PTPDC1: variants seen among roughly 807,000 people sequenced by gnomAD.
PTPDC1 encodes protein tyrosine phosphatase domain containing 1.
In PTPDC1, 53 loss-of-function variants were observed where a neutral mutation model predicts 75.3. The observed-to-expected ratio is 0.70, with a 90% CI of 0.56 to 0.88. The LOEUF is 0.88. PTPDC1 is among the 40% of genes least tolerant of loss of function. The probability of loss-of-function intolerance (pLI) is 0.00; values close to 1 mark genes in which losing one functional copy is unlikely to be tolerated. For missense variants in PTPDC1, 925 were observed against 998.6 expected (o/e 0.93, Z 0.99); for synonymous variants, 349 against 366.2 (o/e 0.95, Z 0.54).
Position 94,099,854 on chromosome 9 carries a change from C to G in PTPDC1, c.2013+1275C>G, listed in dbSNP as rs950287257. ...GTTCAGGACTTGGTTTGGGCCAGAC[C>G]GTATGTAGTGTATATGAAAGCATTT... On this transcript the variant is annotated intron_variant, in intron 6 of 8. Transcript: ENST00000620992. 6.6e-5 allele frequency among the ~76,000 whole-genome samples: 10 copies of G among 152,298 alleles called. No homozygotes were observed. In the East Asian group the frequency reaches 1.9e-3, roughly 29 times the overall value.
In PTPDC1 at chr9:94,061,460, AG is replaced by A. The variant is rs532190706; in HGVS notation, c.-6-3269del. Reference sequence around the variant, plus strand: ...CAGTGCCCCAGTGGGGACTCTGTGTAGGGGGTCCAACCCCACATTTCCCCTC... The same window carrying A: ...CAGTGCCCCAGTGGGGACTCTGTGTAGGGGTCCAACCCCACATTTCCCCTC... On this transcript the variant is annotated intron_variant, in intron 1 of 9. Coordinates refer to the PTPDC1 transcript ENST00000375360. Among the ~76,000 whole-genome samples, 15 of 152,344 alleles carry A rather than the reference AG, an allele frequency of 9.8e-5. No homozygotes were observed. The East Asian group carries it at 2.9e-3, about 29-fold the overall frequency.
Position 94,088,180 on chromosome 9 carries a change from C to A in PTPDC1, c.533C>A (p.Pro178His), listed in dbSNP as rs745577841. The change falls in exon 4 of 9, where the codon CCT becomes CAT. Residue 178 changes from proline to histidine, a missense_variant. Transcript: ENST00000620992. ...GIKTIINLQR[P>H]GEHASCGNPL... ...AAAACAATAATCAACCTCCAGCGCCCTGGTGAGCATGCTAGCTGTGGGAAC... is the reference window on the plus strand; with the variant it reads ...AAAACAATAATCAACCTCCAGCGCCATGGTGAGCATGCTAGCTGTGGGAAC... The A allele has an allele frequency of 6.2e-6, 10 of 1,613,932 alleles. No individual in the cohort carries two copies. In the South Asian group the frequency reaches 9.9e-5, roughly 16 times the overall value.
intron 4 of PTPDC1, among the ~76,000 whole-genome samples, chr9:94,094,604 C>G (rs1827470152): frequency 6.6e-6 from 1 of 152,142 alleles, no homozygotes. Flanking sequence ...GTGGGCTCCA[C>G]CCAGTTCGAG....
chr9:94,053,784 A>G (rs1329073535), intron 1 of PTPDC1, among the ~76,000 whole-genome samples: 3 of 152,212 alleles, frequency 2.0e-5, no homozygotes, highest in African/African-American at 4.8e-5. Flanking sequence ...AGGAAGTTAG[A>G]GATATAAATG....
rs537159501 is a variant in PTPDC1 at position 94,097,575 on chromosome 9, A to G, written c.1009A>G (p.Lys337Glu). 7.4e-6 allele frequency: 12 copies of G among 1,614,064 alleles called. No individual in the cohort carries two copies. The South Asian group carries it at 1.1e-4, about 15-fold the overall frequency. The change falls in exon 6 of 9, where the codon AAA (lysine) becomes GAA (glutamate). Residue 337 changes from lysine to glutamate, a missense_variant. By Grantham distance (56) the Lys-to-Glu change is moderately conservative. Coordinates refer to ENST00000620992, the MANE Select transcript of PTPDC1 (RefSeq NM_001253829.2). ...LLHGYEARLL[K>E]HVPKIIHLVC... Reference sequence around the variant, plus strand: ...TCATGGTTATGAGGCACGACTTCTGAAACACGTGCCAAAAATTATCCACCT... The same window carrying G: ...TCATGGTTATGAGGCACGACTTCTGGAACACGTGCCAAAAATTATCCACCT...
intron 1 of PTPDC1, among the ~76,000 whole-genome samples, chr9:94,033,922 C>T (rs1016026494): frequency 6.6e-6 from 1 of 150,656 alleles, no homozygotes; most frequent in Non-Finnish European, 1.5e-5. Context: ...CAAAGTCATC[C>T]ATTTGTTAAT....
chr9:94,085,795 T>C (rs1418251), intron 2 of PTPDC1, among the ~76,000 whole-genome samples: 99,233 of 152,086 alleles, frequency 0.65, 34,530 homozygotes, highest in African/African-American at 0.9. Flanking sequence ...CAGTTTCATG[T>C]AGGTAAGCTT....
intron 1 of PTPDC1, among the ~76,000 whole-genome samples, chr9:94,052,749 G>T (rs1825825779): frequency 6.6e-6 from 1 of 152,128 alleles, no homozygotes; most frequent in Non-Finnish European, 1.5e-5. Flanking sequence ...CAGTTTGTTG[G>T]AAAGACTGTA....
intron 1 of PTPDC1, among the ~76,000 whole-genome samples, chr9:94,048,027 C>T (rs2118439169): frequency 6.6e-6 from 1 of 152,252 alleles, no homozygotes; most frequent in East Asian, 1.9e-4. Context: ...GAAACTATTC[C>T]AATCAATAGA....
chr9:94,031,408 CG>C (rs1416270504), intron 1 of PTPDC1, among the ~76,000 whole-genome samples: 2 of 151,740 alleles, frequency 1.3e-5, no homozygotes, highest in South Asian at 2.1e-4. Context: ...AGTTGAATAT[CG>C]GGATTTTTAT....
At chr9:94,071,813 T>G (rs1258405128) in intron 2 of PTPDC1, among the ~76,000 whole-genome samples, 1 of 152,252 alleles carries the variant, frequency 6.6e-6, no homozygotes, top group Non-Finnish European at 1.5e-5. Context: ...GAATTAAATT[T>G]GTAAATCAAT....
At chr9:94,038,166 G>T in intron 1 of PTPDC1, 1 of 665,576 alleles carries the variant, frequency 1.5e-6, no homozygotes, top group South Asian at 1.6e-5. Context: ...CAGGCCGTTG[G>T]ATTCTCTTAC....
chr9:94,039,733 C>G (rs1825376237), intron 1 of PTPDC1, among the ~76,000 whole-genome samples: 1 of 151,896 alleles, frequency 6.6e-6, no homozygotes, highest in Non-Finnish European at 1.5e-5. Context: ...AAGACCTTCC[C>G]AAAAACAAAA....
At chr9:94,045,500 C>T (rs1198607508) in intron 1 of PTPDC1, among the ~76,000 whole-genome samples, 1 of 152,154 alleles carries the variant, frequency 6.6e-6, no homozygotes, top group South Asian at 2.1e-4. Flanking sequence ...TCCTCTCCAG[C>T]ACCTGTTGTT....
chr9:94,050,131 G>A (rs1170998725), intron 1 of PTPDC1, among the ~76,000 whole-genome samples: 1 of 151,910 alleles, frequency 6.6e-6, no homozygotes, highest in African/African-American at 2.4e-5. Flanking sequence ...TTTTTTCAAG[G>A]TTTTTAACTT....
At chr9:94,072,947 C>A (rs1338697164) in intron 2 of PTPDC1, among the ~76,000 whole-genome samples, 1 of 151,796 alleles carries the variant, frequency 6.6e-6, no homozygotes, top group South Asian at 2.1e-4. Context: ...GATTTTTTTC[C>A]TAAGTTCAGG....
At chr9:94,041,922 C>T (rs533721595) in intron 1 of PTPDC1, among the ~76,000 whole-genome samples, 5 of 152,234 alleles carry the variant, frequency 3.3e-5, no homozygotes, top group Admixed American at 3.3e-4. Context: ...TGTCAGTGAC[C>T]ATAGGTAGGA....
At chr9:94,091,988 G>C (rs1032232737) in intron 4 of PTPDC1, among the ~76,000 whole-genome samples, 3 of 147,706 alleles carry the variant, frequency 2.0e-5, no homozygotes, top group African/African-American at 7.7e-5. Flanking sequence ...TTCTTTATTA[G>C]TCTTGCTAGC....
At chr9:94,075,762 C>T (rs958063941) in intron 2 of PTPDC1, among the ~76,000 whole-genome samples, 1 of 152,014 alleles carries the variant, frequency 6.6e-6, no homozygotes, top group African/African-American at 2.4e-5. Context: ...CAGAAGTCTG[C>T]CTAGTAGCTT....
Sources: allele counts gnomAD v4.1 joint callset (sites outside exome capture counted in the v4.1 genomes callset), GRCh38; gene constraint gnomAD v4.1.1; transcripts MANE v1.5; gene names NCBI Gene and HGNC (gene_info 2026-07-23, HGNC 2026-07-21).